The following LINGO2 variants were observed in gnomAD, a reference collection of about 807,000 sequenced individuals.
LINGO2 encodes leucine-rich repeat and immunoglobulin-like domain-containing nogo receptor-interacting protein 2.
LINGO2 carries 14 observed loss-of-function variants against 30.6 expected under a neutral mutation model. That is an observed-to-expected ratio of 0.46 (90% CI 0.30 to 0.72). The LOEUF is 0.72. Ranked by LOEUF, LINGO2 falls within the 30% of genes least tolerant of loss-of-function variation. LINGO2 has a pLI of 0.07. For missense variants in LINGO2, 729 were observed against 751.7 expected (o/e 0.97, Z 0.35); for synonymous variants, 317 against 288.5 (o/e 1.10, Z -1.00).
At position 28,214,186 on chromosome 9, in the gene LINGO2, T is replaced by C. The variant is rs113192168; in HGVS notation, c.-87+81022A>G. ...AGCATCTTTCATAGTAAATCTAAAC[T>C]TTGCTTGAGTAAGAAATTCTTTATA... On this transcript the variant is annotated intron_variant, in intron 4 of 5. Coordinates refer to ENST00000379992, the Ensembl canonical transcript of LINGO2. Among the ~76,000 whole-genome samples the C allele has an allele frequency of 9.9e-5, 15 of 151,668 alleles. 1 individual carries two copies. Among genetic ancestry groups the C allele is most frequent in the African/African-American group, 3.6e-4 (15 of 41,524 alleles).
chr9:27,999,435 TCAGAGAGAGA>T (rs1386535599), intron 5 of LINGO2, among the ~76,000 whole-genome samples: 3 of 102,924 alleles, frequency 2.9e-5, no homozygotes, highest in African/African-American at 7.6e-5. Flanking sequence ...TGCCTAATCT[TCAGAGAGAGA>T]GAGAGAGAGA....
the LINGO2 span, among the ~76,000 whole-genome samples, chr9:29,033,970 T>C: frequency 6.6e-6 from 1 of 151,860 alleles, no homozygotes; most frequent in Non-Finnish European, 1.5e-5. Flanking sequence ...TAATCTCAGC[T>C]ATTTCGGAGG....
intron 3 of LINGO2, among the ~76,000 whole-genome samples, chr9:28,326,166 G>A (rs1198214759): frequency 6.6e-6 from 1 of 152,020 alleles, no homozygotes; most frequent in Non-Finnish European, 1.5e-5. Context: ...GCTACCATAT[G>A]TGACTAATTT....
At chr9:29,095,529 A>T in the LINGO2 span, among the ~76,000 whole-genome samples, 1 of 138,580 alleles carries the variant, frequency 7.2e-6, no homozygotes, top group African/African-American at 2.7e-5. Context: ...CAGGGTATCA[A>T]TGCATGTGCT....
chr9:28,215,772 C>CG (rs1820746495), intron 4 of LINGO2, among the ~76,000 whole-genome samples: 1 of 151,750 alleles, frequency 6.6e-6, no homozygotes, highest in African/African-American at 2.4e-5. Context: ...TTCATAGTCA[C>CG]GGTATTGATT....
chr9:28,847,447 A>G, the LINGO2 span, among the ~76,000 whole-genome samples: 16 of 147,002 alleles, frequency 1.1e-4, no homozygotes, highest in South Asian at 3.0e-3. Context: ...TAAGCTGCAC[A>G]TGAGACTCAT....
intron 2 of LINGO2, among the ~76,000 whole-genome samples, chr9:28,414,935 T>C: frequency 6.6e-6 from 1 of 152,020 alleles, no homozygotes; most frequent in East Asian, 1.9e-4. Flanking sequence ...GTTAAAAAAA[T>C]AAGGGGTTAT....
At chr9:28,758,792 T>A in the LINGO2 span, among the ~76,000 whole-genome samples, 1,461 of 152,214 alleles carry the variant, frequency 9.6e-3, 16 homozygotes, top group Middle Eastern at 0.054. Flanking sequence ...TCACCAAGGA[T>A]AGAAGGTATC....
At chr9:28,558,178 A>AG (rs1822850334) in intron 1 of LINGO2, among the ~76,000 whole-genome samples, 1 of 151,804 alleles carries the variant, frequency 6.6e-6, no homozygotes, top group African/African-American at 2.4e-5. Context: ...CCAAAAAAAA[A>AG]AAACAATGGG....
At chr9:28,610,257 A>G (rs1021408302) in intron 1 of LINGO2, among the ~76,000 whole-genome samples, 1 of 152,228 alleles carries the variant, frequency 6.6e-6, no homozygotes, top group Non-Finnish European at 1.5e-5. Context: ...AATAGACAAG[A>G]GTAAATGAAG....
chr9:29,103,491 C>A, the LINGO2 span, among the ~76,000 whole-genome samples: 11 of 151,862 alleles, frequency 7.2e-5, no homozygotes, highest in East Asian at 5.8e-4. Flanking sequence ...CTACATTTAT[C>A]TTTCATAATT....
intron 4 of LINGO2, among the ~76,000 whole-genome samples, chr9:28,185,147 T>C (rs375958102): frequency 9.8e-5 from 15 of 152,290 alleles, no homozygotes; most frequent in African/African-American, 2.9e-4. Context: ...GGTTTAAGCA[T>C]TGCCCTCTTT....
intron 1 of LINGO2, among the ~76,000 whole-genome samples, chr9:28,532,096 G>A (rs80335013): frequency 0.067 from 10,168 of 152,138 alleles, 445 homozygotes; most frequent in Non-Finnish European, 0.09. Flanking sequence ...TAACTGAACT[G>A]AGAGCAAGGA....
At position 28,321,347 on chromosome 9, in the gene LINGO2, G is replaced by T. The variant is rs562675164; in HGVS notation, c.-245-25981C>A. On this transcript the variant is annotated intron_variant, in intron 3 of 5. Coordinates refer to ENST00000379992, the Ensembl canonical transcript of LINGO2. ...GCCCACAAGATATAACATGTTAGAG[G>T]CAGAGAAAACTGCATATAGCCAGGC... Among the ~76,000 whole-genome samples, 5 of 152,194 alleles carry T rather than the reference G, an allele frequency of 3.3e-5. No individual in the cohort carries two copies. The South Asian group carries it at 1.0e-3, about 32-fold the overall frequency.
At chr9:29,190,565 A>AAT in the LINGO2 span, among the ~76,000 whole-genome samples, 1 of 152,190 alleles carries the variant, frequency 6.6e-6, no homozygotes. Context: ...AAAATAGGTA[A>AAT]GAAGTGCTGC....
At position 28,148,161 on chromosome 9, in the gene LINGO2, C is replaced by A; in HGVS notation, c.-86-135756G>T. 1 of 875,068 alleles carries A rather than the reference C, an allele frequency of 1.1e-6. No individual in the cohort carries two copies. Among genetic ancestry groups the A allele is most frequent in the Non-Finnish European group, 1.6e-6 (1 of 634,742 alleles). The allele number at this position is 875,068 out of a possible 1,614,324, so 54.2% of individuals were successfully genotyped here. On this transcript the variant is annotated intron_variant, in intron 4 of 5. Coordinates refer to ENST00000379992, the Ensembl canonical transcript of LINGO2. This position sits in a 1 kb window ranked among gnomAD's most constrained non-coding sequence, Gnocchi z 5.1. The stretch of plus-strand genomic sequence containing the variant: ...GGCCGTTTCCCACTCCTCTTCAACC[C>A]TCAGCGACATCTTGGGCCTTCTTTT...
chr9:28,076,781 C>G (rs1299294779), intron 4 of LINGO2, among the ~76,000 whole-genome samples: 1 of 152,128 alleles, frequency 6.6e-6, no homozygotes, highest in Non-Finnish European at 1.5e-5. Flanking sequence ...GTCCATTCCA[C>G]TGGCTTCTGG....
the LINGO2 span, among the ~76,000 whole-genome samples, chr9:28,951,556 T>C: frequency 6.6e-6 from 1 of 152,132 alleles, no homozygotes. Flanking sequence ...CTGACAGAGG[T>C]GCCACCCCCA....
In LINGO2 at chr9:28,130,730, A is replaced by T. The variant is rs916052018; in HGVS notation, c.-86-118325T>A. On this transcript the variant is annotated intron_variant, in intron 4 of 5. Transcript: ENST00000379992. This position sits in a 1 kb window ranked among gnomAD's most constrained non-coding sequence, Gnocchi z 5.2. ...GCCAGAGTTTCAGATAATAGAGAAGAGTAGGACACTGTTCTTATTATATTA... is the reference window on the plus strand; with the variant it reads ...GCCAGAGTTTCAGATAATAGAGAAGTGTAGGACACTGTTCTTATTATATTA... Among the ~76,000 whole-genome samples, 1 of 152,292 alleles carries T rather than the reference A, an allele frequency of 6.6e-6. No individual in the cohort carries two copies.
Sources: allele counts gnomAD v4.1 joint callset (sites outside exome capture counted in the v4.1 genomes callset), GRCh38; gene constraint gnomAD v4.1.1; non-coding constraint Gnocchi (gnomAD v3.1); transcripts MANE v1.5; gene names NCBI Gene and HGNC (gene_info 2026-07-23, HGNC 2026-07-21).